Variants in CRISP3 observed in about 807,000 individuals in gnomAD.
The protein encoded by CRISP3 is cysteine rich secretory protein 3.
A neutral mutation model predicts 36.1 loss-of-function variants in CRISP3; 33 were observed. The observed-to-expected ratio is 0.91, with a 90% CI of 0.69 to 1.22. CRISP3 has a LOEUF of 1.22. Among genes scored for constraint, CRISP3 ranks in the 50% most tolerant of loss-of-function variants. CRISP3 has a pLI of 0.00. For synonymous variants in CRISP3, 117 were observed against 104.6 expected, an observed-to-expected ratio of 1.12 and a Z score of -0.72; for missense variants, 330 against 301.2, an observed-to-expected ratio of 1.10 and a Z score of -0.71.
chr6:49,744,249 C>G, intron 1 of CRISP3, 82 bp downstream of exon 1: 1 of 1,022,760 alleles, frequency 9.8e-7, no homozygotes. Flanking sequence ...GAATATATCA[C>G]TTTATCATTG....
chr6:49,742,547 G>A (rs1410893141), intron 1 of CRISP3, among the ~76,000 whole-genome samples: 2 of 147,802 alleles, frequency 1.4e-5, no homozygotes, highest in Non-Finnish European at 3.0e-5. Flanking sequence ...CAGGAGAATT[G>A]CTTGAAACTA....
At position 49,741,151 on chromosome 6, in the gene CRISP3, C is replaced by CAAAA. The variant is rs10616289; in HGVS notation, c.37+3176_37+3179dup. On this transcript the variant is annotated intron_variant, in intron 1 of 7. Coordinates refer to ENST00000263045, the MANE Select transcript of CRISP3 (RefSeq NM_006061.4). ...AAAAAAACAAACAAAAAAAAACCAC[C>CAAAA]AAAAAAAAAAAAACAAAAAACGAAA... is the stretch of plus-strand genomic sequence containing the variant. 2.6e-3 allele frequency among the ~76,000 whole-genome samples: 349 copies of CAAAA among 135,400 alleles called. 5 individuals are homozygous for CAAAA. The highest frequency in any genetic ancestry group is 0.02 in the South Asian group (84 of 4,276). The allele number at this position is 135,400 out of a possible 152,430, so 88.8% of individuals were successfully genotyped here. A position where few individuals can be genotyped will look rare whatever the true frequency, so the allele number is the denominator to read the frequency against.
At chr6:49,731,115 A>G in intron 7 of CRISP3, 48 bp downstream of exon 7, 1 of 1,296,032 alleles carries the variant, frequency 7.7e-7, no homozygotes. Context: ...CTTAGAAGAA[A>G]TGTCAGATCA....
At chr6:49,744,177 T>C (rs1170968861) in intron 1 of CRISP3, among the ~76,000 whole-genome samples, 154 bp downstream of exon 1, 1 of 152,152 alleles carries the variant, frequency 6.6e-6, no homozygotes, top group African/African-American at 2.4e-5. Flanking sequence ...ATGAATATAT[T>C]AAGATAATTA....
Position 49,731,242 on chromosome 6 carries a change from C to T in CRISP3, c.570G>A (p.Trp190Ter). Residue 190 changes from tryptophan to a stop codon, truncating the protein, a stop_gained, in exon 7 of 8, where the codon TGG becomes TGA. Transcript: ENST00000263045. LOFTEE classifies it high-confidence loss of function. ...YVCQYCPAGN[W>*]ANRLYVPYEQ... The stretch of plus-strand genomic sequence containing the variant: ...CATAAGGGACATATAGTCTATTAGC[C>T]CAATTACCACTGAAATTTGAAATAA... The T allele has an allele frequency of 1.3e-6, 2 of 1,586,434 alleles. No homozygotes were observed. Among genetic ancestry groups the T allele is most frequent in the Non-Finnish European group, 1.7e-6 (2 of 1,166,988 alleles).
chr6:49,731,685 CTT>C (rs1464490308), intron 6 of CRISP3, among the ~76,000 whole-genome samples: 1 of 121,608 alleles, frequency 8.2e-6, no homozygotes, highest in Admixed American at 9.2e-5. Flanking sequence ...TTAAATGTAA[CTT>C]ATAATTAAAA....
intron 3 of CRISP3, 25 bp downstream of exon 3, chr6:49,736,365 CT>C (rs1008550900): frequency 6.8e-7 from 1 of 1,477,584 alleles, no homozygotes; most frequent in African/African-American, 1.4e-5. Context: ...GTTCACACCC[CT>C]CTCCTTTGCA....
At chr6:49,736,307 A>C (rs1769049755) in intron 3 of CRISP3, 84 bp downstream of exon 3, 2 of 840,484 alleles carry the variant, frequency 2.4e-6, no homozygotes, top group African/African-American at 1.7e-5. Context: ...TAAACTTCAA[A>C]GTTATTAAGA....
chr6:49,737,519 A>T, intron 1 of CRISP3, 121 bp from the exon 2 acceptor site: 2 of 1,019,354 alleles, frequency 2.0e-6, no homozygotes, highest in Admixed American at 4.1e-5. Flanking sequence ...TTATTAATGT[A>T]ACAGGAGAAG....
intron 1 of CRISP3, among the ~76,000 whole-genome samples, chr6:49,743,433 A>G (rs1769256912): frequency 6.6e-6 from 1 of 152,176 alleles, no homozygotes; most frequent in Non-Finnish European, 1.5e-5. Flanking sequence ...ATACAGGCAG[A>G]CATTCTAGAT....
chr6:49,737,500 C>A, intron 1 of CRISP3, 102 bp from the exon 2 acceptor site: 1 of 1,174,352 alleles, frequency 8.5e-7, no homozygotes, highest in Non-Finnish European at 1.2e-6. Flanking sequence ...CTCCATTATC[C>A]CAAATTCATT....
intron 1 of CRISP3, among the ~76,000 whole-genome samples, chr6:49,738,549 C>G (rs1395179206): frequency 1.3e-5 from 2 of 152,266 alleles, no homozygotes; most frequent in East Asian, 3.9e-4. Context: ...CTTAGTTATT[C>G]ACTGGTTCCT....
rs999183731 is a variant in CRISP3, at chr6:49,727,423, C to T, written c.*1307G>A. On this transcript the variant is annotated 3_prime_UTR_variant, in exon 8 of 8. Transcript: ENST00000263045. ...TTTTGCATTGCTTTCTTAGACTTAC[C>T]GAAAATTTGGTAAGATAGTACAGAG... 5.3e-5 allele frequency: 8 copies of T among 151,358 alleles called. No homozygotes were observed. Among genetic ancestry groups the T allele is most frequent in the African/African-American group, 9.7e-5 (4 of 41,216 alleles). 9.4% of individuals were successfully genotyped at this position (151,358 alleles called of 1,614,324 possible).
intron 7 of CRISP3, among the ~76,000 whole-genome samples, chr6:49,730,673 A>G (rs187586591): frequency 1.2e-3 from 189 of 152,346 alleles, no homozygotes; most frequent in African/African-American, 4.5e-3. Context: ...TCAACAGGTT[A>G]CATATGATAA....
intron 1 of CRISP3, among the ~76,000 whole-genome samples, chr6:49,741,611 G>GT (rs375461364): frequency 0.099 from 11,174 of 112,896 alleles, 555 homozygotes; most frequent in Non-Finnish European, 0.11. Flanking sequence ...CCTGTATGTA[G>GT]TTTTTTTTTT....
At chr6:49,737,581 G>T (rs183479776) in intron 1 of CRISP3, 183 bp from the exon 2 acceptor site, 199 of 656,712 alleles carry the variant, frequency 3.0e-4, no homozygotes, top group Non-Finnish European at 4.2e-4. Flanking sequence ...TTCAAAGTAT[G>T]CATTCAACTG....
At chr6:49,741,611 G>GTT (rs375461364) in intron 1 of CRISP3, among the ~76,000 whole-genome samples, 308 of 112,978 alleles carry the variant, frequency 2.7e-3, no homozygotes, top group Non-Finnish European at 3.0e-3. Flanking sequence ...CCTGTATGTA[G>GTT]TTTTTTTTTT....
Position 49,728,546 on chromosome 6 carries a change from A to G in CRISP3, c.*184T>C. Reference sequence around the variant, plus strand: ...TTATAGATTTTGTTTCTTTTTAACCATTTGTATGAAAAATATTTTTGTAAA... The same window carrying G: ...TTATAGATTTTGTTTCTTTTTAACCGTTTGTATGAAAAATATTTTTGTAAA... On this transcript the variant is annotated 3_prime_UTR_variant, in exon 8 of 8. Coordinates refer to ENST00000263045, the MANE Select transcript of CRISP3 (RefSeq NM_006061.4). The G allele has an allele frequency of 2.3e-6, 1 of 433,470 alleles. No individual in the cohort carries two copies. Among genetic ancestry groups the G allele is most frequent in the Non-Finnish European group, 3.8e-6 (1 of 262,426 alleles). The allele number at this position is 433,470 out of a possible 1,614,324, so 26.9% of individuals were successfully genotyped here.
chr6:49,744,200 G>A, intron 1 of CRISP3, 131 bp downstream of exon 1: 1 of 586,086 alleles, frequency 1.7e-6, no homozygotes, highest in Non-Finnish European at 2.8e-6. Flanking sequence ...CTCATTAAAA[G>A]TTATCAATAA....
Sources: allele counts gnomAD v4.1 joint callset (sites outside exome capture counted in the v4.1 genomes callset), GRCh38; gene constraint gnomAD v4.1.1; transcripts MANE v1.5; gene names NCBI Gene and HGNC (gene_info 2026-07-23, HGNC 2026-07-21).